The following GALNT13 variants were observed in gnomAD, a reference collection of about 807,000 sequenced individuals.
GALNT13 encodes the protein UDP-GalNAc:polypeptide N-acetylgalactosaminyltransferase 13.
In GALNT13, 28 loss-of-function variants were observed where a neutral mutation model predicts 64.2. The ratio of observed to expected loss-of-function variants is 0.44; its 90% CI spans 0.32 to 0.60. GALNT13 has a LOEUF of 0.60. Ranked by LOEUF, GALNT13 falls within the 20% of genes least tolerant of loss-of-function variation. The pLI is 0.05. For missense variants in GALNT13, 577 were observed against 669.8 expected (o/e 0.86, Z 1.53); for synonymous variants, 214 against 224.6 (o/e 0.95, Z 0.42).
chr2:153,686,376 G>A, the GALNT13 span, among the ~76,000 whole-genome samples: 1 of 151,966 alleles, frequency 6.6e-6, no homozygotes, highest in African/African-American at 2.4e-5. Context: ...CTAGTTAGCT[G>A]TATTCCTAGG....
chr2:153,152,826 G>A, the GALNT13 span, among the ~76,000 whole-genome samples: 1 of 152,132 alleles, frequency 6.6e-6, no homozygotes, highest in African/African-American at 2.4e-5. Context: ...CATTTAGGTT[G>A]ATACCCTGTC....
At chr2:153,546,705 G>T in the GALNT13 span, among the ~76,000 whole-genome samples, 85 of 152,150 alleles carry the variant, frequency 5.6e-4, no homozygotes, top group Non-Finnish European at 1.1e-3. Context: ...AAAATACCTT[G>T]TCAATAAATC....
chr2:153,535,547 G>T, the GALNT13 span, among the ~76,000 whole-genome samples: 5 of 152,174 alleles, frequency 3.3e-5, no homozygotes, highest in African/African-American at 1.2e-4. Context: ...CACAGTCTAA[G>T]TTGGTCTGGT....
chr2:153,594,078 T>C, the GALNT13 span, among the ~76,000 whole-genome samples: 1 of 152,182 alleles, frequency 6.6e-6, no homozygotes, highest in Non-Finnish European at 1.5e-5. Context: ...TTTTATAAAG[T>C]CAAACCTAAC....
At chr2:153,186,796 C>T in the GALNT13 span, among the ~76,000 whole-genome samples, 21 of 152,106 alleles carry the variant, frequency 1.4e-4, no homozygotes, top group Non-Finnish European at 2.6e-4. Flanking sequence ...TGAACTCCTA[C>T]CTCAGGTGAT....
At chr2:154,361,311 C>G (rs1045224515) in intron 9 of GALNT13, among the ~76,000 whole-genome samples, 1 of 152,152 alleles carries the variant, frequency 6.6e-6, no homozygotes, top group Non-Finnish European at 1.5e-5. Flanking sequence ...ATATGTGTAA[C>G]CTAAATTAGT....
intron 7 of GALNT13, among the ~76,000 whole-genome samples, chr2:154,258,534 C>A (rs555445526): frequency 2.6e-4 from 40 of 152,022 alleles, no homozygotes; most frequent in African/African-American, 8.7e-4. Flanking sequence ...TACTTATTTT[C>A]TATAAACATT....
chr2:153,507,480 C>G, the GALNT13 span, among the ~76,000 whole-genome samples: 1 of 151,982 alleles, frequency 6.6e-6, no homozygotes, highest in African/African-American at 2.4e-5. Flanking sequence ...GGGATCTCAC[C>G]ATATTGGCCA....
At chr2:154,184,112 A>G (rs572842493) in intron 4 of GALNT13, among the ~76,000 whole-genome samples, 117 of 151,952 alleles carry the variant, frequency 7.7e-4, no homozygotes, top group Non-Finnish European at 1.3e-3. Flanking sequence ...TAAATTTATA[A>G]TAATACATGG....
intron 9 of GALNT13, among the ~76,000 whole-genome samples, chr2:154,385,687 A>T (rs12478741): frequency 0.056 from 8,465 of 152,082 alleles, 268 homozygotes; most frequent in Middle Eastern, 0.12. Context: ...AAGTCCCTTA[A>T]GTAATAGTTT....
chr2:153,073,257 G>T, the GALNT13 span, among the ~76,000 whole-genome samples: 1 of 152,062 alleles, frequency 6.6e-6, no homozygotes, highest in East Asian at 1.9e-4. Context: ...CTCCTCCTGT[G>T]TGGTTTTCAT....
chr2:154,225,156 T>TGGATGAC (rs56226342), intron 4 of GALNT13, among the ~76,000 whole-genome samples: 1 of 100,630 alleles, frequency 9.9e-6, no homozygotes, highest in Non-Finnish European at 2.0e-5. Flanking sequence ...GACAGATAGA[T>TGGATGAC]AGATGATAGA....
the GALNT13 span, among the ~76,000 whole-genome samples, chr2:153,834,186 AC>A: frequency 6.6e-6 from 1 of 152,072 alleles, no homozygotes; most frequent in African/African-American, 2.4e-5. Context: ...CACTCCCAGG[AC>A]CCAGAGAATG....
At chr2:153,127,555 C>T in the GALNT13 span, among the ~76,000 whole-genome samples, 508 of 151,904 alleles carry the variant, frequency 3.3e-3, 1 homozygote, top group Admixed American at 6.9e-3. Context: ...CCTGGGGAAC[C>T]GTAATCTTAG....
At chr2:153,459,373 T>A in the GALNT13 span, among the ~76,000 whole-genome samples, 2 of 152,176 alleles carry the variant, frequency 1.3e-5, no homozygotes, top group East Asian at 3.9e-4. Flanking sequence ...TCCCAGCTAC[T>A]CAAGAAGTTG....
the GALNT13 span, among the ~76,000 whole-genome samples, chr2:153,634,544 T>A: frequency 7.4e-6 from 1 of 135,924 alleles, no homozygotes; most frequent in Non-Finnish European, 1.6e-5. Flanking sequence ...ATGGAAATCT[T>A]TTTTTTTTTT....
chr2:153,208,973 C>CTTTTTTTT, the GALNT13 span, among the ~76,000 whole-genome samples: 962 of 74,656 alleles, frequency 0.013, 105 homozygotes, highest in African/African-American at 0.025. Context: ...TGGTTTTGGT[C>CTTTTTTTT]TTTTTTTTTT....
At chr2:153,953,157 C>T (rs1369550395) in intron 3 of GALNT13, among the ~76,000 whole-genome samples, 1 of 152,048 alleles carries the variant, frequency 6.6e-6, no homozygotes, top group African/African-American at 2.4e-5. Flanking sequence ...TATTAACTGT[C>T]ACATGATATT....
chr2:153,471,052 A>G, the GALNT13 span, among the ~76,000 whole-genome samples: 4 of 152,210 alleles, frequency 2.6e-5, no homozygotes, highest in East Asian at 7.7e-4. Context: ...ACCTGAAGAC[A>G]TGGGGAAAAG....
Sources: allele counts gnomAD v4.1 joint callset (sites outside exome capture counted in the v4.1 genomes callset), GRCh38; gene constraint gnomAD v4.1.1; transcripts MANE v1.5; gene names NCBI Gene and HGNC (gene_info 2026-07-23, HGNC 2026-07-21).